LOXHD1: variants seen among roughly 807,000 people sequenced by gnomAD.
LOXHD1 encodes the protein lipoxygenase homology domain-containing protein 1.
LOXHD1 carries 205 observed loss-of-function variants against 248.2 expected under a neutral mutation model. The observed-to-expected ratio is 0.83, with a 90% CI of 0.74 to 0.93. LOXHD1 has a LOEUF of 0.93. Among genes scored for constraint, LOXHD1 ranks in the 40% least tolerant of loss-of-function variants. The probability of loss-of-function intolerance (pLI) is 0.00; values close to 1 mark genes in which losing one functional copy is unlikely to be tolerated. For synonymous variants in LOXHD1, 1,113 were observed against 1,162.8 expected (o/e 0.96, Z 0.87); for missense variants, 2,930 against 2,971.6 (o/e 0.99, Z 0.33).
chr18:46,571,360 C>T lies in LOXHD1; in HGVS notation c.2047+726G>A, dbSNP rs559731701. 2.0e-5 allele frequency among the ~76,000 whole-genome samples: 3 copies of T among 152,262 alleles called. 1 individual carries two copies. The highest frequency in any genetic ancestry group is 7.2e-5 in the African/African-American group (3 of 41,552). On this transcript the variant is annotated intron_variant, in intron 15 of 40. Coordinates refer to ENST00000642948, the MANE Select transcript of LOXHD1 (RefSeq NM_001384474.1). ...TGATGTACACCTATTGCCCTAGCTACTCAGGAGGCTGAGACAGGAGGATCA... is the reference window on the plus strand; with the variant it reads ...TGATGTACACCTATTGCCCTAGCTATTCAGGAGGCTGAGACAGGAGGATCA...
At chr18:46,559,783 C>A (rs2037472562) in intron 19 of LOXHD1, among the ~76,000 whole-genome samples, 181 bp from the exon 20 acceptor site, 1 of 152,204 alleles carries the variant, frequency 6.6e-6, no homozygotes. Context: ...ATGAAGCCAG[C>A]AGGCAGCCCT....
At chr18:46,637,911 A>C (rs1049915533) in intron 4 of LOXHD1, among the ~76,000 whole-genome samples, 2 of 152,338 alleles carry the variant, frequency 1.3e-5, no homozygotes, top group South Asian at 4.1e-4. Context: ...AGTTTATCTT[A>C]AGGAAAGAAT....
At chr18:46,542,886 C>T (rs2036624446) in intron 23 of LOXHD1, 31 bp from the exon 24 acceptor site, 2 of 1,551,524 alleles carry the variant, frequency 1.3e-6, no homozygotes, top group African/African-American at 2.7e-5. Context: ...GCATGACTGG[C>T]TGGACCTGAG....
At chr18:46,630,878 G>C (rs1344704158) in intron 4 of LOXHD1, among the ~76,000 whole-genome samples, 1 of 152,182 alleles carries the variant, frequency 6.6e-6, no homozygotes, top group Non-Finnish European at 1.5e-5. Context: ...GGACCTCAGA[G>C]AACATCTCGA....
intron 37 of LOXHD1, 136 bp downstream of exon 37, chr18:46,505,702 T>A: frequency 1.2e-6 from 1 of 842,970 alleles, no homozygotes; most frequent in Non-Finnish European, 1.9e-6. Flanking sequence ...AGCATCAATG[T>A]GGTGGTCATC....
At chr18:46,541,151 T>C (rs536931097) in intron 25 of LOXHD1, among the ~76,000 whole-genome samples, 2 of 152,366 alleles carry the variant, frequency 1.3e-5, no homozygotes, top group South Asian at 4.1e-4. Context: ...ACATTCTTTC[T>C]GATGATGACA....
intron 34 of LOXHD1, among the ~76,000 whole-genome samples, chr18:46,515,197 C>T (rs995466968): frequency 6.6e-6 from 1 of 152,156 alleles, no homozygotes; most frequent in Non-Finnish European, 1.5e-5. Context: ...TGAATGCATG[C>T]ATATCTCAGC....
intron 21 of LOXHD1, among the ~76,000 whole-genome samples, chr18:46,548,535 T>C (rs1397545041): frequency 2.0e-5 from 3 of 152,220 alleles, no homozygotes; most frequent in Non-Finnish European, 4.4e-5. Context: ...ATTAAATTAG[T>C]GTTTCAGAGA....
Position 46,657,040 on chromosome 18 carries a change from G to T in LOXHD1, c.-7C>A, listed in dbSNP as rs1012092442. 1.3e-6 allele frequency: 2 copies of T among 1,551,426 alleles called. No individual in the cohort carries two copies. The highest frequency in any genetic ancestry group is 1.4e-5 in the African/African-American group (1 of 73,020). ...TTTTCTTCTGGGGCATCATTCTGTC[G>T]GCTGCCTTCTCCCAGCGCTCGCAGG... On this transcript the variant is annotated 5_prime_UTR_variant, in exon 1 of 41. Coordinates refer to ENST00000642948, the MANE Select transcript of LOXHD1 (RefSeq NM_001384474.1).
chr18:46,593,768 A>G lies in LOXHD1; in HGVS notation c.1271-8T>C. The G allele has an allele frequency of 1.9e-6, 3 of 1,551,676 alleles. No individual in the cohort carries two copies. The highest frequency in any genetic ancestry group is 2.4e-5 in the South Asian group (2 of 84,046). ...ACAGGGACCAAGGGAATTCTGTAAG[A>G]CAGATCAAGTTGCACCATAAACTTC... On this transcript the variant is annotated splice_polypyrimidine_tract_variant and splice_region_variant and intron_variant, in intron 9 of 40. Coordinates refer to ENST00000642948, the MANE Select transcript of LOXHD1 (RefSeq NM_001384474.1).
chr18:46,651,534 G>A (rs1348560708), intron 1 of LOXHD1, among the ~76,000 whole-genome samples: 1 of 151,988 alleles, frequency 6.6e-6, no homozygotes, highest in Non-Finnish European at 1.5e-5. Flanking sequence ...AGACACCGGA[G>A]AATGCTTGGT....
At chr18:46,542,493 A>T (rs181761852) in intron 24 of LOXHD1, among the ~76,000 whole-genome samples, 1 of 152,340 alleles carries the variant, frequency 6.6e-6, no homozygotes, top group African/African-American at 2.4e-5. Flanking sequence ...ACTGGGGTTG[A>T]TAAAGGCTTT....
At chr18:46,577,916 C>A (rs764253114) in intron 13 of LOXHD1, 49 bp from the exon 14 acceptor site, 2 of 1,542,862 alleles carry the variant, frequency 1.3e-6, no homozygotes, top group Non-Finnish European at 8.8e-7. Context: ...TACCCCAGGA[C>A]CCAAACACCA....
chr18:46,542,443 C>T (rs1391884651), intron 24 of LOXHD1, among the ~76,000 whole-genome samples: 1 of 152,194 alleles, frequency 6.6e-6, no homozygotes, highest in East Asian at 1.9e-4. Flanking sequence ...TGAGTTAGAT[C>T]GGAGATTTTC....
intron 15 of LOXHD1, 24 bp downstream of exon 15, chr18:46,572,062 C>T: frequency 4.5e-6 from 7 of 1,549,194 alleles, no homozygotes; most frequent in Non-Finnish European, 4.4e-6. Flanking sequence ...GCACACCCAG[C>T]ACCTGGTCAT....
At chr18:46,588,893 G>C (rs1449459311) in intron 12 of LOXHD1, among the ~76,000 whole-genome samples, 1 of 152,162 alleles carries the variant, frequency 6.6e-6, no homozygotes, top group Non-Finnish European at 1.5e-5. Flanking sequence ...CAAGGGTGAG[G>C]TGAAGTGTAC....
intron 12 of LOXHD1, among the ~76,000 whole-genome samples, chr18:46,584,656 A>G (rs1239760304): frequency 6.6e-6 from 1 of 152,140 alleles, no homozygotes; most frequent in African/African-American, 2.4e-5. Context: ...AGAAGAAATA[A>G]TACTAATACT....
chr18:46,628,434 G>A (rs977473167), intron 4 of LOXHD1, among the ~76,000 whole-genome samples: 1 of 152,178 alleles, frequency 6.6e-6, no homozygotes, highest in African/African-American at 2.4e-5. Context: ...AAGGAACAAT[G>A]ACTCCCAAGC....
intron 16 of LOXHD1, among the ~76,000 whole-genome samples, chr18:46,568,177 G>A (rs562967685): frequency 2.6e-5 from 4 of 152,320 alleles, no homozygotes; most frequent in African/African-American, 9.6e-5. Flanking sequence ...CTCCCAGAGA[G>A]GGAAGGGGCA....
Sources: gnomAD v4.1 joint callset for allele counts (sites outside exome capture counted in the v4.1 genomes callset) on GRCh38, gnomAD v4.1.1 for gene constraint, MANE v1.5 for transcripts, NCBI Gene and HGNC (gene_info 2026-07-23, HGNC 2026-07-21) for gene names.